ATP13A4: variants seen among roughly 807,000 people sequenced by gnomAD.
The protein encoded by ATP13A4 is probable cation-transporting ATPase 13A4.
Under a neutral mutation model 142.5 loss-of-function variants are expected in ATP13A4, and 114 were observed. The ratio of observed to expected loss-of-function variants is 0.80; its 90% CI spans 0.69 to 0.93. ATP13A4 has a LOEUF of 0.93. Among genes scored for constraint, ATP13A4 ranks in the 40% least tolerant of loss-of-function variants. The pLI, the probability that ATP13A4 is intolerant of heterozygous loss-of-function variation, is 0.00. For missense variants in ATP13A4, 1,392 were observed against 1,454.0 expected, an observed-to-expected ratio of 0.96 and a Z score of 0.69; for synonymous variants, 488 against 514.8, an observed-to-expected ratio of 0.95 and a Z score of 0.70.
chr3:193,465,199 T>C (rs1576991542), intron 11 of ATP13A4, 71 bp from the exon 12 acceptor site: 1 of 1,510,140 alleles, frequency 6.6e-7, no homozygotes, highest in East Asian at 2.4e-5. Context: ...TTTGCCTTTT[T>C]TTTTTGAGGC....
At chr3:193,532,314 T>C (rs1320260195) in intron 1 of ATP13A4, among the ~76,000 whole-genome samples, 1 of 151,008 alleles carries the variant, frequency 6.6e-6, no homozygotes, top group Non-Finnish European at 1.5e-5. Context: ...TGGCACTTAT[T>C]AGGCAATGCT....
intron 2 of ATP13A4, among the ~76,000 whole-genome samples, chr3:193,512,830 C>T (rs1379678179): frequency 2.6e-5 from 4 of 152,162 alleles, no homozygotes; most frequent in African/African-American, 9.7e-5. Flanking sequence ...TGTGTCACCT[C>T]CCTAGCCCCA....
intron 28 of ATP13A4, among the ~76,000 whole-genome samples, chr3:193,410,517 A>T (rs1714713763): frequency 6.6e-6 from 1 of 152,220 alleles, no homozygotes. Context: ...GTTTGAGACC[A>T]GCCTGGGCAA....
chr3:193,544,169 T>C (rs576647400), intron 1 of ATP13A4, among the ~76,000 whole-genome samples: 10 of 152,280 alleles, frequency 6.6e-5, no homozygotes, highest in African/African-American at 2.4e-4. Context: ...AGATAGTAAC[T>C]GACAAAGGCC....
At chr3:193,404,386 G>C (rs548143545) in intron 29 of ATP13A4, among the ~76,000 whole-genome samples, 1 of 152,164 alleles carries the variant, frequency 6.6e-6, no homozygotes, top group African/African-American at 2.4e-5. Context: ...AAACTACAGA[G>C]AGGTGATCTG....
intron 26 of ATP13A4, 65 bp downstream of exon 26, chr3:193,414,514 A>C: frequency 4.5e-6 from 7 of 1,569,456 alleles, no homozygotes; most frequent in East Asian, 2.3e-5. Flanking sequence ...CTCCCATCAT[A>C]TTGGCCAGAG....
rs2108602737 is a variant in ATP13A4, at chr3:193,411,033, T to C, written c.3246A>G (p.Val1082=). Residue 1082 remains valine (V), a synonymous_variant, in exon 28 of 30, where the codon GTA becomes GTG. Transcript: ENST00000342695. ...FVLVLIIQLG[V]CLFILFADIP... ...TATCAGCAAATAGAATGAATAGACA[T>C]ACACCAAGCTGTATTATCAGCACAA... 2 of 1,611,112 alleles carry C rather than the reference T, an allele frequency of 1.2e-6. No homozygotes were observed. The highest frequency in any genetic ancestry group is 1.7e-6 in the Non-Finnish European group (2 of 1,177,502).
intron 8 of ATP13A4, among the ~76,000 whole-genome samples, chr3:193,472,635 G>A (rs183560919): frequency 1.2e-4 from 19 of 152,202 alleles, no homozygotes; most frequent in Non-Finnish European, 1.8e-4. Context: ...AACTGCAAAC[G>A]TTACAACCAC....
intron 1 of ATP13A4, 75 bp downstream of exon 1, chr3:193,554,653 CGTGTGTGTGTGT>C (rs58073069): frequency 0.14 from 177,027 of 1,227,750 alleles, 4,799 homozygotes; most frequent in Non-Finnish European, 0.16. Context: ...GTGATGCGTG[CGTGTGTGTGTGT>C]GTGTGTGTGT....
intron 2 of ATP13A4, chr3:193,581,689 T>G (rs931516139): frequency 5.9e-5 from 9 of 152,016 alleles, no homozygotes; most frequent in African/African-American, 2.2e-4. Flanking sequence ...GAAGGGACAC[T>G]TAAGGGAAAA....
At chr3:193,438,677 G>A in intron 22 of ATP13A4, 93 bp from the exon 23 acceptor site, 1 of 1,076,256 alleles carries the variant, frequency 9.3e-7, no homozygotes, top group South Asian at 1.3e-5. Flanking sequence ...TGGCCACAAG[G>A]TGGTTTGTGT....
At chr3:193,542,503 AAG>A (rs1722987399) in intron 1 of ATP13A4, among the ~76,000 whole-genome samples, 1 of 152,184 alleles carries the variant, frequency 6.6e-6, no homozygotes, top group Admixed American at 6.5e-5. Context: ...CCAAAAAAAA[AAG>A]AGTCCCCATA....
At chr3:193,457,240 T>G in intron 15 of ATP13A4, 87 bp from the exon 16 acceptor site, 1 of 1,588,436 alleles carries the variant, frequency 6.3e-7, no homozygotes, top group Non-Finnish European at 8.6e-7. Flanking sequence ...AATATTCATT[T>G]TAACAAATAA....
At chr3:193,585,156 C>T (rs1255431341) in intron 1 of ATP13A4, among the ~76,000 whole-genome samples, 1 of 152,084 alleles carries the variant, frequency 6.6e-6, no homozygotes, top group Non-Finnish European at 1.5e-5. Context: ...GGTGGCTCAC[C>T]CCTGTAATCC....
At chr3:193,500,403 T>C (rs1720476941) in intron 3 of ATP13A4, among the ~76,000 whole-genome samples, 2 of 152,172 alleles carry the variant, frequency 1.3e-5, no homozygotes, top group Admixed American at 1.3e-4. Context: ...TTTGCTGTAG[T>C]CTTCAGACTT....
rs564943165 is a variant in ATP13A4, at chr3:193,432,763, G to A, written c.2842+1082C>T. Among the ~76,000 whole-genome samples, 5 of 151,982 alleles carry A rather than the reference G, an allele frequency of 3.3e-5. No homozygotes were observed. In the South Asian group the frequency reaches 1.0e-3, roughly 32 times the overall value. ...TAAAAGAAAAGAAAAGAAAAGAAAG[G>A]CCAAAACTACTGAGACGGTAAAAGA... On this transcript the variant is annotated intron_variant, in intron 25 of 29. Transcript: ENST00000342695.
At chr3:193,475,661 T>C (rs1290023227) in intron 8 of ATP13A4, among the ~76,000 whole-genome samples, 1 of 151,986 alleles carries the variant, frequency 6.6e-6, no homozygotes, top group African/African-American at 2.4e-5. Context: ...ATTTTCTATA[T>C]CTATACAAAA....
rs1015032618 is a variant in ATP13A4 at position 193,438,499 on chromosome 3, A to G, written c.2648T>C (p.Ile883Thr). The G allele has an allele frequency of 6.2e-7, 1 of 1,613,824 alleles. No individual in the cohort carries two copies. The highest frequency in any genetic ancestry group is 8.5e-7 in the Non-Finnish European group (1 of 1,179,798). The change falls in exon 23 of 30, where the codon ATT (isoleucine) becomes ACT (threonine). Residue 883 changes from isoleucine (I) to threonine (T), a missense_variant. Ile to Thr is a moderately conservative substitution (Grantham distance 89). Coordinates refer to ENST00000342695, the MANE Select transcript of ATP13A4 (RefSeq NM_032279.4). ...ASPFTSKTPN[I>T]ECVPHLIKEG... ...CTTGATAAGGTGAGGTACGCACTCA[A>G]TGTTTGGAGTTTTGGAAGTGAAAGG...
intron 24 of ATP13A4, 56 bp from the exon 25 acceptor site, chr3:193,433,973 A>G (rs992842211): frequency 2.3e-5 from 30 of 1,311,156 alleles, no homozygotes; most frequent in Non-Finnish European, 3.1e-5. Flanking sequence ...ATGAAATTAG[A>G]TATTGATTAC....
Sources: allele counts gnomAD v4.1 joint callset (sites outside exome capture counted in the v4.1 genomes callset), GRCh38; gene constraint gnomAD v4.1.1; transcripts MANE v1.5; gene names NCBI Gene and HGNC (gene_info 2026-07-23, HGNC 2026-07-21).